DOCK2: variants seen among roughly 807,000 people sequenced by gnomAD.
DOCK2 encodes the protein dedicator of cytokinesis protein 2.
In DOCK2, 87 loss-of-function variants were observed where a neutral mutation model predicts 248.9. The observed-to-expected ratio is 0.35, with a 90% CI of 0.29 to 0.42. DOCK2 has a LOEUF of 0.42. DOCK2 is among the 10% of genes least tolerant of loss of function. DOCK2 has a pLI of 1.00. For missense variants in DOCK2, 1,747 were observed against 2,300.2 expected, an observed-to-expected ratio of 0.76 and a Z score of 4.92; for synonymous variants, 805 against 821.6, an observed-to-expected ratio of 0.98 and a Z score of 0.35.
intron 27 of DOCK2, among the ~76,000 whole-genome samples, chr5:169,969,616 C>A (rs1464100886): frequency 6.6e-6 from 1 of 152,126 alleles, no homozygotes; most frequent in Non-Finnish European, 1.5e-5. Flanking sequence ...GGAGGCATTC[C>A]CTAGAGGGGA....
rs1045412215 is a variant in DOCK2, at chr5:169,662,356, A to G, written c.128-6932A>G. Among the ~76,000 whole-genome samples the G allele has an allele frequency of 2.0e-5, 3 of 152,186 alleles. 1 individual carries two copies. Among genetic ancestry groups the G allele is most frequent in the Non-Finnish European group, 4.4e-5 (3 of 68,026 alleles). ...ATATGAGTTCTTTATAAAATTTTTG[A>G]TATTAACCCCTTATCAGATGTATAG... On this transcript the variant is annotated intron_variant, in intron 2 of 51. Coordinates refer to ENST00000520908, the MANE Select transcript of DOCK2 (RefSeq NM_004946.3).
intron 27 of DOCK2, among the ~76,000 whole-genome samples, chr5:169,955,413 G>A: frequency 6.6e-6 from 1 of 152,174 alleles, no homozygotes; most frequent in South Asian, 2.1e-4. Flanking sequence ...GAGACTGGGA[G>A]GGAAGAAAGG....
chr5:169,988,420 A>T (rs1299373221), intron 29 of DOCK2, among the ~76,000 whole-genome samples: 1 of 152,212 alleles, frequency 6.6e-6, no homozygotes, highest in Non-Finnish European at 1.5e-5. Context: ...GATAAGTAAC[A>T]TACTTCCTGT....
intron 27 of DOCK2, among the ~76,000 whole-genome samples, chr5:169,937,445 T>G (rs1388030216): frequency 6.6e-6 from 1 of 152,218 alleles, no homozygotes; most frequent in Admixed American, 6.5e-5. Flanking sequence ...CTCCTGAGAC[T>G]GTGAGAATTA....
intron 26 of DOCK2, 71 bp downstream of exon 26, chr5:169,803,277 G>T: frequency 6.5e-7 from 1 of 1,537,398 alleles, no homozygotes; most frequent in South Asian, 1.2e-5. Flanking sequence ...GTGAAATATT[G>T]ATACTGATGG....
At position 170,068,051 on chromosome 5, in the gene DOCK2, C is replaced by G. The variant is rs183139508; in HGVS notation, c.4644+365C>G. The stretch of plus-strand genomic sequence containing the variant: ...CAGTTGTATAAACCCACCTCTTCCA[C>G]AGAGGATGTGAAATGATGTATACTA... On this transcript the variant is annotated intron_variant, in intron 45 of 51. Coordinates refer to ENST00000520908, the MANE Select transcript of DOCK2 (RefSeq NM_004946.3). Among the ~76,000 whole-genome samples, 4 of 152,204 alleles carry G rather than the reference C, an allele frequency of 2.6e-5. No homozygotes were observed. In the East Asian group the frequency reaches 7.7e-4, roughly 29 times the overall value.
intron 25 of DOCK2, among the ~76,000 whole-genome samples, chr5:169,776,156 AAT>A (rs1432313420): frequency 7.1e-6 from 1 of 139,960 alleles, no homozygotes; most frequent in Non-Finnish European, 1.5e-5. Context: ...TATTTATATA[AAT>A]ATATATATTT....
chr5:170,057,353 A>G (rs1481538821), intron 43 of DOCK2: 7 of 589,668 alleles, frequency 1.2e-5, no homozygotes, highest in African/African-American at 7.5e-5. Flanking sequence ...AACCCAGGTT[A>G]GTACTTACTT....
intron 23 of DOCK2, among the ~76,000 whole-genome samples, chr5:169,749,837 C>T (rs771160839): frequency 3.3e-4 from 50 of 152,248 alleles, no homozygotes; most frequent in Non-Finnish European, 6.0e-4. Context: ...ATGTATTCCT[C>T]ATATTCCTAA....
intron 34 of DOCK2, among the ~76,000 whole-genome samples, chr5:170,032,720 G>T (rs1352879419): frequency 6.6e-6 from 1 of 152,182 alleles, no homozygotes; most frequent in African/African-American, 2.4e-5. Context: ...GGGAACAGGT[G>T]CTTCTCCCAG....
chr5:170,047,380 A>G (rs1756751788), intron 39 of DOCK2, 130 bp from the exon 40 acceptor site: 4 of 696,064 alleles, frequency 5.7e-6, no homozygotes, highest in Non-Finnish European at 9.8e-6. Context: ...GACATAGCAC[A>G]GATATGTAAA....
In DOCK2 at chr5:170,056,675, G is replaced by A. The variant is rs1253081290; in HGVS notation, c.4296-9G>A. ...CTACCAGGAGCCTCAGCCTCTTCCT[G>A]TCTTTCAGCTTCTACAAATCCAACT... On this transcript the variant is annotated splice_polypyrimidine_tract_variant and intron_variant, in intron 42 of 51. Transcript: ENST00000520908. 2 of 1,613,778 alleles carry A rather than the reference G, an allele frequency of 1.2e-6. No individual in the cohort carries two copies. Among genetic ancestry groups the A allele is most frequent in the African/African-American group, 2.7e-5 (2 of 74,888 alleles).
At chr5:169,653,923 C>T (rs1757946224) in intron 1 of DOCK2, among the ~76,000 whole-genome samples, 1 of 152,110 alleles carries the variant, frequency 6.6e-6, no homozygotes, top group Non-Finnish European at 1.5e-5. Flanking sequence ...GGGACTCAAC[C>T]CCAGGCCTGG....
At position 169,657,393 on chromosome 5, in the gene DOCK2, C is replaced by T. The variant is rs189358880; in HGVS notation, c.127+2907C>T. On this transcript the variant is annotated intron_variant, in intron 2 of 51. Coordinates refer to ENST00000520908, the MANE Select transcript of DOCK2 (RefSeq NM_004946.3). ...GTAGTAGAAAGAATATGGGTGTACC[C>T]GTGAAACCTTCTTACAGAAAACTAC... is the stretch of plus-strand genomic sequence containing the variant. 7.1e-4 allele frequency among the ~76,000 whole-genome samples: 108 copies of T among 152,272 alleles called. 1 individual carries two copies. In the Middle Eastern group the frequency reaches 0.017, roughly 24 times the overall value.
At chr5:170,077,919 A>G in intron 48 of DOCK2, 82 bp downstream of exon 48, 1 of 1,167,618 alleles carries the variant, frequency 8.6e-7, no homozygotes, top group Non-Finnish European at 1.2e-6. Context: ...TTCTCCGGCA[A>G]CATCCCTTCT....
intron 10 of DOCK2, 144 bp from the exon 11 acceptor site, chr5:169,698,230 A>C (rs543174111): frequency 7.5e-6 from 5 of 666,904 alleles, no homozygotes; most frequent in African/African-American, 7.2e-5. Flanking sequence ...AGTGTTGTGC[A>C]GCACTGGCTT....
At chr5:169,875,315 T>C (rs750630079) in intron 27 of DOCK2, 2 of 456,680 alleles carry the variant, frequency 4.4e-6, no homozygotes, top group South Asian at 1.5e-5. Flanking sequence ...CAAGTTTCCA[T>C]AGACACCCAG....
chr5:169,637,518 G>A, intron 1 of DOCK2, 149 bp downstream of exon 1: 2 of 969,030 alleles, frequency 2.1e-6, no homozygotes, highest in Admixed American at 4.3e-5. Context: ...GCCTCGGGGC[G>A]GGAAAGCCGA....
intron 30 of DOCK2, among the ~76,000 whole-genome samples, chr5:170,002,692 CTTTACTG>C (rs1328654447): frequency 6.6e-6 from 1 of 152,174 alleles, no homozygotes; most frequent in Non-Finnish European, 1.5e-5. Context: ...CTTATCTGGA[CTTTACTG>C]TTTACCTCTG....
Sources: gnomAD v4.1 joint callset for allele counts (sites outside exome capture counted in the v4.1 genomes callset) on GRCh38, gnomAD v4.1.1 for gene constraint, MANE v1.5 for transcripts, NCBI Gene and HGNC (gene_info 2026-07-23, HGNC 2026-07-21) for gene names.